Variants in MYH13 observed in about 807,000 individuals in gnomAD.
MYH13 encodes the protein myosin heavy chain 13.
A neutral mutation model predicts 232.1 loss-of-function variants in MYH13; 177 were observed. The ratio of observed to expected loss-of-function variants is 0.76; its 90% CI spans 0.67 to 0.86. The LOEUF (loss-of-function observed/expected upper bound fraction) is 0.86. Among genes scored for constraint, MYH13 ranks in the 40% least tolerant of loss-of-function variants. The pLI is 0.00. For missense variants in MYH13, 2,246 were observed against 2,405.9 expected (o/e 0.93, Z 1.39); for synonymous variants, 884 against 923.5 (o/e 0.96, Z 0.78).
Position 10,303,456 on chromosome 17 carries a change from C to T in MYH13, c.5509G>A (p.Gly1837Arg). Residue 1837 changes from glycine (G) to arginine (R), a missense_variant, in exon 38 of 41, where the codon GGA becomes AGA. Coordinates refer to ENST00000252172, the MANE Select transcript of MYH13 (RefSeq NM_003802.3). ...ENELDVEQKR[G>R]AEALKGAHKY... ...TGGGCTCCCTTCAGGGCTTCAGCTCCCCTCTTCTGTTCCACATCAAGCTCA... is the reference window on the plus strand; with the variant it reads ...TGGGCTCCCTTCAGGGCTTCAGCTCTCCTCTTCTGTTCCACATCAAGCTCA... 1 of 1,613,984 alleles carries T rather than the reference C, an allele frequency of 6.2e-7. No individual in the cohort carries two copies. The highest frequency in any genetic ancestry group is 8.5e-7 in the Non-Finnish European group (1 of 1,179,904).
Position 10,315,737 on chromosome 17 carries a change from G to A in MYH13, c.3940C>T (p.Gln1314Ter), listed in dbSNP as rs1375222358. The A allele has an allele frequency of 1.2e-6, 2 of 1,613,638 alleles. No individual in the cohort carries two copies. The highest frequency in any genetic ancestry group is 2.2e-5 in the East Asian group (1 of 44,882). ...TGCCTCTTAAGCTCCTCCAGCTGCT[G>A]GGTGAGGGCCTGCTTGCTTTTGGTC... ...QLTKSKQALTQQLEELKRQME... is the reference protein window; with the variant it reads ...QLTKSKQALT Residue 1314 changes from glutamine (Q) to a stop codon, truncating the protein, a stop_gained, in exon 29 of 41, where the codon CAG (glutamine) becomes TAG (stop). Transcript: ENST00000252172. LOFTEE classifies it high-confidence loss of function.
intron 23 of MYH13, 43 bp from the exon 24 acceptor site, chr17:10,321,751 C>G: frequency 6.6e-7 from 1 of 1,514,300 alleles, no homozygotes; most frequent in Non-Finnish European, 9.0e-7. Context: ...AACGATTATG[C>G]CAGAAGCTTC....
chr17:10,322,884 T>C (rs376188252), intron 23 of MYH13, among the ~76,000 whole-genome samples: 8 of 152,094 alleles, frequency 5.3e-5, no homozygotes, highest in African/African-American at 1.2e-4. Flanking sequence ...CTGCCCACCT[T>C]GGCCTCCCAA....
chr17:10,309,298 G>T lies in MYH13; in HGVS notation c.5105C>A (p.Thr1702Asn), dbSNP rs765333403. The T allele has an allele frequency of 1.9e-6, 3 of 1,613,924 alleles. No individual in the cohort carries two copies. The highest frequency in any genetic ancestry group is 2.5e-6 in the Non-Finnish European group (3 of 1,179,856). ...MKVALEQTERTRRLSEQELLD... is the reference protein window; with the variant it reads ...MKVALEQTERNRRLSEQELLD... ...CAGCTCCTGCTCTGACAGCCTGCGG[G>T]TCCGCTCCGTCTGTTCCAGGGCCAC... The change falls in exon 35 of 41, where the codon ACC (threonine) becomes AAC (asparagine). Residue 1702 changes from threonine to asparagine, a missense_variant. By Grantham distance (65) the Thr-to-Asn change is moderately conservative. Transcript: ENST00000252172.
At chr17:10,364,666 G>C in intron 2 of MYH13, 124 bp from the exon 3 acceptor site, 5 of 788,054 alleles carry the variant, frequency 6.3e-6, no homozygotes, top group Non-Finnish European at 8.1e-6. Context: ...CATAGGTCCT[G>C]AGGGATCTAT....
At chr17:10,316,838 A>G (rs530885922) in intron 27 of MYH13, among the ~76,000 whole-genome samples, 2 of 152,290 alleles carry the variant, frequency 1.3e-5, no homozygotes, top group East Asian at 3.9e-4. Flanking sequence ...TGCTCCATAA[A>G]ATAGAAAATA....
intron 8 of MYH13, among the ~76,000 whole-genome samples, chr17:10,355,505 C>T (rs1053716294): frequency 3.3e-5 from 5 of 152,182 alleles, no homozygotes; most frequent in Admixed American, 6.5e-5. Context: ...TTACATCTGT[C>T]GCCAACAATT....
intron 18 of MYH13, 107 bp downstream of exon 18, chr17:10,340,043 A>G (rs2142254752): frequency 2.2e-6 from 2 of 919,890 alleles, no homozygotes; most frequent in East Asian, 2.7e-5. Flanking sequence ...TACTTTCAGA[A>G]GTGATACAGA....
chr17:10,335,518 C>T (rs1403585414), intron 18 of MYH13, among the ~76,000 whole-genome samples: 8 of 152,078 alleles, frequency 5.3e-5, no homozygotes, highest in Non-Finnish European at 7.4e-5. Flanking sequence ...TTTGGGAGGC[C>T]GAGGTGGGCG....
At chr17:10,315,536 C>T (rs1394493491) in intron 29 of MYH13, among the ~76,000 whole-genome samples, 157 bp downstream of exon 29, 3 of 152,122 alleles carry the variant, frequency 2.0e-5, no homozygotes, top group African/African-American at 4.8e-5. Context: ...TCTCGTGATC[C>T]ATCTGCCTTG....
At chr17:10,345,753 G>T in intron 13 of MYH13, 137 bp from the exon 14 acceptor site, 3 of 1,451,090 alleles carry the variant, frequency 2.1e-6, no homozygotes, top group African/African-American at 1.4e-5. Flanking sequence ...CCAGCACTTT[G>T]GGAGGCCAAG....
chr17:10,325,211 C>G (rs1597378759), intron 22 of MYH13, among the ~76,000 whole-genome samples: 1 of 152,164 alleles, frequency 6.6e-6, no homozygotes. Context: ...CACATTTGAA[C>G]AGCTGGTTAT....
chr17:10,357,617 AC>A, intron 8 of MYH13, 117 bp downstream of exon 8: 1 of 811,152 alleles, frequency 1.2e-6, no homozygotes. Flanking sequence ...GATCTCAATC[AC>A]TTGGGGGTAG....
At chr17:10,320,043 G>A in intron 26 of MYH13, 110 bp downstream of exon 26, 2 of 800,694 alleles carry the variant, frequency 2.5e-6, no homozygotes. Flanking sequence ...ATCTTCTCTA[G>A]CTTTAGCAGG....
chr17:10,308,443 CTT>C (rs57432823), intron 35 of MYH13, among the ~76,000 whole-genome samples: 2 of 113,084 alleles, frequency 1.8e-5, no homozygotes, highest in African/African-American at 3.4e-5. Flanking sequence ...TTAATTAAAA[CTT>C]TTTTTTTTTT....
At chr17:10,359,877 T>C in intron 7 of MYH13, 83 bp downstream of exon 7, 1 of 1,264,002 alleles carries the variant, frequency 7.9e-7, no homozygotes, top group Non-Finnish European at 1.2e-6. Flanking sequence ...ACTGAGCGCA[T>C]ACCCTGCATA....
chr17:10,345,627 G>T lies in MYH13; in HGVS notation c.1264-11C>A. 1.2e-6 allele frequency: 2 copies of T among 1,614,154 alleles called. No homozygotes were observed. The highest frequency in any genetic ancestry group is 1.7e-6 in the Non-Finnish European group (2 of 1,180,042). ...CACCGAATTGGTCACCTTGAAAAAGGATCACCCACTCAACCCTTGAGTTAG... is the reference window on the plus strand; with the variant it reads ...CACCGAATTGGTCACCTTGAAAAAGTATCACCCACTCAACCCTTGAGTTAG... On this transcript the variant is annotated splice_polypyrimidine_tract_variant and intron_variant, in intron 13 of 40. Coordinates refer to ENST00000252172, the MANE Select transcript of MYH13 (RefSeq NM_003802.3).
intron 18 of MYH13, among the ~76,000 whole-genome samples, chr17:10,335,493 T>C (rs55652827): frequency 0.19 from 29,612 of 152,028 alleles, 3,238 homozygotes; most frequent in East Asian, 0.51. Context: ...TGGCTCACGC[T>C]TGTAATCCCA....
chr17:10,301,838 C>G (rs1906105409), intron 39 of MYH13, 135 bp from the exon 40 acceptor site: 4 of 1,222,520 alleles, frequency 3.3e-6, no homozygotes, highest in Non-Finnish European at 3.3e-6. Flanking sequence ...GGCAGGGAAG[C>G]TTTCTCCAGC....
Sources: gnomAD v4.1 joint callset for allele counts (sites outside exome capture counted in the v4.1 genomes callset) on GRCh38, gnomAD v4.1.1 for gene constraint, MANE v1.5 for transcripts, NCBI Gene and HGNC (gene_info 2026-07-23, HGNC 2026-07-21) for gene names.